HACD3: variants seen among roughly 807,000 people sequenced by gnomAD.
HACD3 encodes very-long-chain (3R)-3-hydroxyacyl-CoA dehydratase 3.
A neutral mutation model predicts 55.2 loss-of-function variants in HACD3; 30 were observed. The observed-to-expected ratio is 0.54, with a 90% CI of 0.41 to 0.74. The LOEUF (loss-of-function observed/expected upper bound fraction) is 0.74. Ranked by LOEUF, HACD3 falls within the 30% of genes least tolerant of loss-of-function variation. The pLI is 0.00. For missense variants in HACD3, 363 were observed against 440.1 expected (o/e 0.82, Z 1.57); for synonymous variants, 141 against 151.7 (o/e 0.93, Z 0.52).
At chr15:65,574,507 G>T (rs1343168738) in intron 10 of HACD3, 1 of 152,242 alleles carries the variant, frequency 6.6e-6, no homozygotes, top group Non-Finnish European at 1.5e-5. Flanking sequence ...TGGGATCATT[G>T]TCACGGCTTG....
chr15:65,577,990 T>G lies in HACD3; in HGVS notation c.*1611T>G, dbSNP rs746462402. 1 of 152,580 alleles carries G rather than the reference T, an allele frequency of 6.6e-6. No individual in the cohort carries two copies. The highest frequency in any genetic ancestry group is 1.5e-5 in the Non-Finnish European group (1 of 68,038). 9.5% of individuals were successfully genotyped at this position (152,580 alleles called of 1,614,324 possible). ...TAAGGAGTGATAGCTCTTTCTGTTC[T>G]GCCATTCCCAACATTCCTGGGGGAA... is the stretch of plus-strand genomic sequence containing the variant. On this transcript the variant is annotated 3_prime_UTR_variant, in exon 11 of 11. Coordinates refer to ENST00000261875, the MANE Select transcript of HACD3 (RefSeq NM_016395.4).
At chr15:65,561,822 G>A (rs1040799432) in intron 5 of HACD3, among the ~76,000 whole-genome samples, 5 of 152,120 alleles carry the variant, frequency 3.3e-5, no homozygotes, top group Non-Finnish European at 5.9e-5. Flanking sequence ...AGCCTGTCCC[G>A]AGTCTGAACC....
At chr15:65,542,209 CAG>C (rs2072026642) in intron 1 of HACD3, among the ~76,000 whole-genome samples, 1 of 110,996 alleles carries the variant, frequency 9.0e-6, no homozygotes. Flanking sequence ...AGCCTGGCGA[CAG>C]AGTGAGACTC....
intron 10 of HACD3, among the ~76,000 whole-genome samples, chr15:65,575,434 C>T (rs962591189): frequency 6.6e-6 from 1 of 152,124 alleles, no homozygotes; most frequent in African/African-American, 2.4e-5. Flanking sequence ...GTGATCCACC[C>T]ATCTTGGCCT....
intron 1 of HACD3, among the ~76,000 whole-genome samples, chr15:65,549,599 C>CAA (rs5813363): frequency 0.054 from 2,276 of 42,072 alleles, 148 homozygotes; most frequent in African/African-American, 0.15. Flanking sequence ...GATTCCATCT[C>CAA]AAAAAAAAAA....
At chr15:65,542,421 G>A (rs886877663) in intron 1 of HACD3, among the ~76,000 whole-genome samples, 6 of 151,504 alleles carry the variant, frequency 4.0e-5, no homozygotes, top group African/African-American at 7.3e-5. Context: ...ATGCCATCAC[G>A]CCAGGCTAAT....
chr15:65,552,639 GTTTT>G (rs2141213642), intron 2 of HACD3, among the ~76,000 whole-genome samples: 1 of 147,064 alleles, frequency 6.8e-6, no homozygotes, highest in South Asian at 2.2e-4. Context: ...CCTGTTTTTT[GTTTT>G]TTGTTTTTGT....
intron 6 of HACD3, 94 bp from the exon 7 acceptor site, chr15:65,564,119 TAC>T (rs759350676): frequency 1.4e-5 from 20 of 1,424,272 alleles, no homozygotes; most frequent in Non-Finnish European, 1.9e-5. Context: ...ATTCCTTTCT[TAC>T]AGTTATTTTC....
intron 1 of HACD3, among the ~76,000 whole-genome samples, chr15:65,540,305 C>G (rs1405702368): frequency 6.6e-6 from 1 of 152,040 alleles, no homozygotes; most frequent in Non-Finnish European, 1.5e-5. Context: ...TAATGAGCAA[C>G]ACATATAAAG....
intron 3 of HACD3, among the ~76,000 whole-genome samples, chr15:65,555,579 C>T (rs145814109): frequency 9.3e-4 from 142 of 152,200 alleles, no homozygotes; most frequent in African/African-American, 3.3e-3. Flanking sequence ...GATTTCCGTG[C>T]GCAGGTGCTC....
At chr15:65,555,008 A>G in intron 3 of HACD3, 48 bp downstream of exon 3, 1 of 1,418,538 alleles carries the variant, frequency 7.0e-7, no homozygotes, top group Non-Finnish European at 1.0e-6. Context: ...GGAAATGAAT[A>G]CCAGTAGTTT....
chr15:65,545,625 TTTG>T (rs1267105032), intron 1 of HACD3, among the ~76,000 whole-genome samples: 1 of 151,398 alleles, frequency 6.6e-6, no homozygotes, highest in East Asian at 1.9e-4. Flanking sequence ...TTTTTTTTTT[TTTG>T]TATTTTTAGT....
At chr15:65,557,201 C>T (rs1390187007) in intron 4 of HACD3, among the ~76,000 whole-genome samples, 1 of 152,172 alleles carries the variant, frequency 6.6e-6, no homozygotes, top group East Asian at 1.9e-4. Context: ...TACGGCCGGG[C>T]ACGGTGGCTC....
intron 1 of HACD3, among the ~76,000 whole-genome samples, chr15:65,542,239 A>AAG (rs2072027596): frequency 6.9e-6 from 1 of 145,174 alleles, no homozygotes. Context: ...AAAAAAAAAA[A>AAG]AAAAAAAGAA....
chr15:65,563,772 C>G (rs1173951963), intron 6 of HACD3, among the ~76,000 whole-genome samples: 1 of 152,130 alleles, frequency 6.6e-6, no homozygotes, highest in African/African-American at 2.4e-5. Flanking sequence ...AGATCGAGAC[C>G]ATCCTGGTCA....
At chr15:65,550,583 ATAAT>A (rs1185788474) in intron 1 of HACD3, among the ~76,000 whole-genome samples, 1 of 152,256 alleles carries the variant, frequency 6.6e-6, no homozygotes. Flanking sequence ...ATTTAAATAA[ATAAT>A]TGCAGTTAAT....
chr15:65,546,537 A>G (rs1596207931), intron 1 of HACD3, among the ~76,000 whole-genome samples: 1 of 152,174 alleles, frequency 6.6e-6, no homozygotes, highest in Non-Finnish European at 1.5e-5. Context: ...AAAAAACCAA[A>G]TATGACATTT....
intron 8 of HACD3, among the ~76,000 whole-genome samples, chr15:65,570,691 C>CT (rs899918012): frequency 1.3e-5 from 2 of 152,156 alleles, no homozygotes; most frequent in African/African-American, 4.8e-5. Flanking sequence ...GCATAAATAT[C>CT]TTTTAAGAAA....
chr15:65,554,798 G>A (rs1252462170), intron 2 of HACD3, 89 bp from the exon 3 acceptor site: 5 of 873,242 alleles, frequency 5.7e-6, no homozygotes, highest in Middle Eastern at 2.3e-4. Context: ...TGTAATATTC[G>A]CATACTTGGG....
Sources: allele counts gnomAD v4.1 joint callset (sites outside exome capture counted in the v4.1 genomes callset), GRCh38; gene constraint gnomAD v4.1.1; transcripts MANE v1.5; gene names NCBI Gene and HGNC (gene_info 2026-07-23, HGNC 2026-07-21).